NRP2: variants seen among roughly 807,000 people sequenced by gnomAD.
The protein encoded by NRP2 is neuropilin 2.
A neutral mutation model predicts 110.4 loss-of-function variants in NRP2; 52 were observed. That is an observed-to-expected ratio of 0.47 (90% CI 0.38 to 0.59). The LOEUF is 0.59. Ranked by LOEUF, NRP2 falls within the 20% of genes least tolerant of loss-of-function variation. The pLI, the probability that NRP2 is intolerant of heterozygous loss-of-function variation, is 0.00. For missense variants in NRP2, 1,049 were observed against 1,203.0 expected, an observed-to-expected ratio of 0.87 and a Z score of 1.89; for synonymous variants, 508 against 468.9, an observed-to-expected ratio of 1.08 and a Z score of -1.08.
intron 12 of NRP2, chr2:205,761,800 C>T (rs975174517): frequency 2.6e-5 from 4 of 152,164 alleles, no homozygotes; most frequent in Admixed American, 1.3e-4. Context: ...TGCCTCTCTA[C>T]CTTGGACAAA....
chr2:205,722,145 C>CCTCT (rs140982811), intron 3 of NRP2: 5,858 of 220,698 alleles, frequency 0.027, 142 homozygotes, highest in Admixed American at 0.071. Flanking sequence ...CAAGAGAATC[C>CCTCT]CTCTCTCTCT....
chr2:205,707,039 T>C (rs2056693180), intron 2 of NRP2, among the ~76,000 whole-genome samples: 5 of 152,228 alleles, frequency 3.3e-5, no homozygotes, highest in Admixed American at 3.3e-4. Flanking sequence ...CCCTTTCTTG[T>C]AGAAGCTCAT....
chr2:205,723,465 C>T (rs1559327607), intron 4 of NRP2, among the ~76,000 whole-genome samples: 1 of 152,192 alleles, frequency 6.6e-6, no homozygotes, highest in Non-Finnish European at 1.5e-5. Context: ...AAAGAAATCA[C>T]ATGCGCTCTC....
rs537768016 is a variant in NRP2 at position 205,774,079 on chromosome 2, G to A, written c.2425+7276G>A. 6.6e-5 allele frequency among the ~76,000 whole-genome samples: 10 copies of A among 152,326 alleles called. No individual in the cohort carries two copies. In the East Asian group the frequency reaches 1.9e-3, roughly 29 times the overall value. ...GGGATGTCTCTGAGGAACTCTGGGG[G>A]CATCCCTTAACACTTTGATGTTTCC... On this transcript the variant is annotated intron_variant, in intron 15 of 16. Transcript: ENST00000357785.
chr2:205,731,016 G>A (rs1381237215), intron 7 of NRP2, among the ~76,000 whole-genome samples: 1 of 152,238 alleles, frequency 6.6e-6, no homozygotes, highest in Non-Finnish European at 1.5e-5. Context: ...CTGGGGCATT[G>A]CAAGCCTCCT....
At chr2:205,695,722 A>T (rs1167999160) in intron 1 of NRP2, among the ~76,000 whole-genome samples, 1 of 152,132 alleles carries the variant, frequency 6.6e-6, no homozygotes, top group African/African-American at 2.4e-5. Flanking sequence ...GCAGCTGGTG[A>T]TCTATGTCCT....
At chr2:205,767,249 G>A (rs938122352) in intron 15 of NRP2, 17 of 313,874 alleles carry the variant, frequency 5.4e-5, no homozygotes, top group East Asian at 9.4e-5. Context: ...CCAAGGCAGC[G>A]GTTTCAGTTA....
At chr2:205,707,993 A>G (rs2056717819) in intron 2 of NRP2, among the ~76,000 whole-genome samples, 1 of 152,216 alleles carries the variant, frequency 6.6e-6, no homozygotes, top group Non-Finnish European at 1.5e-5. Context: ...TGATTGATCC[A>G]GGCCAGCGTA....
At position 205,763,996 on chromosome 2, in the gene NRP2, C is replaced by CA; in HGVS notation, c.2307+61dup. 6.2e-7 allele frequency: 1 copy of CA among 1,601,528 alleles called. No individual in the cohort carries two copies. Among genetic ancestry groups the CA allele is most frequent in the South Asian group, 1.1e-5 (1 of 90,200 alleles). Reference sequence around the variant, plus strand: ...ATTTCAATATTTCAAGGGCCGAGCCCATTCATCGTTAGGGAACGTGGTTAA... The same window carrying CA: ...ATTTCAATATTTCAAGGGCCGAGCCCAATTCATCGTTAGGGAACGTGGTTAA... On this transcript the variant is annotated intron_variant, in intron 13 of 16. Transcript: ENST00000357785. This position sits in a 1 kb window ranked among gnomAD's most constrained non-coding sequence, Gnocchi z 4.0.
At chr2:205,781,468 G>A (rs1389897422) in intron 15 of NRP2, among the ~76,000 whole-genome samples, 2 of 152,198 alleles carry the variant, frequency 1.3e-5, no homozygotes, top group Non-Finnish European at 2.9e-5. Context: ...TCAGATAACC[G>A]AAACCCAGCC....
intron 15 of NRP2, chr2:205,768,302 C>G (rs2057961350): frequency 6.6e-6 from 1 of 152,206 alleles, no homozygotes; most frequent in African/African-American, 2.4e-5. Context: ...CTTTGGATTA[C>G]AGTCGAATTC....
chr2:205,740,697 G>A, intron 8 of NRP2, 34 bp downstream of exon 8: 1 of 1,612,658 alleles, frequency 6.2e-7, no homozygotes, highest in Non-Finnish European at 8.5e-7. Flanking sequence ...TTGGGGTGCT[G>A]ATTGAGCCCT....
intron 7 of NRP2, among the ~76,000 whole-genome samples, chr2:205,730,960 G>C (rs1278667544): frequency 1.3e-5 from 2 of 152,196 alleles, no homozygotes; most frequent in Non-Finnish European, 2.9e-5. Flanking sequence ...CCATCCAACA[G>C]GTCATCATGA....
At chr2:205,786,644 C>T (rs1042043019) in intron 15 of NRP2, among the ~76,000 whole-genome samples, 1 of 152,178 alleles carries the variant, frequency 6.6e-6, no homozygotes, top group African/African-American at 2.4e-5. Context: ...GCTCTTCGAT[C>T]CTTGCCTTCA....
chr2:205,693,084 A>G (rs1437080682), intron 1 of NRP2, among the ~76,000 whole-genome samples: 2 of 152,248 alleles, frequency 1.3e-5, no homozygotes, highest in East Asian at 3.8e-4. Context: ...AGTAGAAGAA[A>G]GAGTTTCTTC....
intron 2 of NRP2, chr2:205,697,949 G>C: frequency 1.7e-6 from 1 of 591,846 alleles, no homozygotes. Context: ...GAAAAGTAGA[G>C]AATATTAACC....
intron 2 of NRP2, among the ~76,000 whole-genome samples, chr2:205,703,148 G>T (rs558351480): frequency 6.6e-6 from 1 of 152,310 alleles, no homozygotes; most frequent in South Asian, 2.1e-4. Flanking sequence ...CAATAGGTCA[G>T]CATGAGCTGA....
intron 1 of NRP2, among the ~76,000 whole-genome samples, chr2:205,687,936 G>A (rs993903657): frequency 1.3e-5 from 2 of 152,200 alleles, no homozygotes; most frequent in African/African-American, 4.8e-5. Flanking sequence ...TGATTCTGGG[G>A]ACCCTGGTGT....
At chr2:205,736,369 T>TA (rs1328497110) in intron 7 of NRP2, among the ~76,000 whole-genome samples, 1 of 151,994 alleles carries the variant, frequency 6.6e-6, no homozygotes, top group Non-Finnish European at 1.5e-5. Context: ...ATTAAATAAA[T>TA]AAAAAATATA....
Sources: allele counts gnomAD v4.1 joint callset (sites outside exome capture counted in the v4.1 genomes callset), GRCh38; gene constraint gnomAD v4.1.1; non-coding constraint Gnocchi (gnomAD v3.1); transcripts MANE v1.5; gene names NCBI Gene and HGNC (gene_info 2026-07-23, HGNC 2026-07-21).